EYS: variants seen among roughly 807,000 people sequenced by gnomAD.
The protein encoded by EYS is EGF-like photoreceptor maintenance factor, also known as protein eyes shut homolog.
EYS carries 250 observed loss-of-function variants against 282.1 expected under a neutral mutation model. That is an observed-to-expected ratio of 0.89 (90% CI 0.80 to 0.98). The LOEUF (loss-of-function observed/expected upper bound fraction) is 0.98. Ranked by LOEUF, EYS falls within the 50% of genes least tolerant of loss-of-function variation. The pLI, the probability that EYS is intolerant of heterozygous loss-of-function variation, is 0.00. For synonymous variants in EYS, 1,355 were observed against 1,282.9 expected, an observed-to-expected ratio of 1.06 and a Z score of -1.20; for missense variants, 4,016 against 3,709.0, an observed-to-expected ratio of 1.08 and a Z score of -2.15.
At chr6:65,598,313 T>C (rs1765487682) in intron 2 of EYS, among the ~76,000 whole-genome samples, 1 of 147,718 alleles carries the variant, frequency 6.8e-6, no homozygotes, top group South Asian at 2.2e-4. Context: ...TTCTCTTTTA[T>C]CAGGAAAACT....
intron 13 of EYS, among the ~76,000 whole-genome samples, chr6:65,018,502 C>A (rs866373502): frequency 8.7e-4 from 132 of 152,232 alleles, no homozygotes; most frequent in African/African-American, 3.1e-3. Flanking sequence ...TCCAGTATAT[C>A]CTCATTTTAA....
At chr6:64,292,928 G>A (rs1448567635) in intron 30 of EYS, among the ~76,000 whole-genome samples, 1 of 152,022 alleles carries the variant, frequency 6.6e-6, no homozygotes, top group African/African-American at 2.4e-5. Flanking sequence ...AGTCACATAG[G>A]AAATAAGTAA....
rs779597565 is a variant in EYS at position 65,384,498 on chromosome 6, C to A, written c.1187G>T (p.Cys396Phe). The A allele has an allele frequency of 4.7e-6, 7 of 1,497,468 alleles. No homozygotes were observed. The South Asian group carries it at 7.9e-5, about 17-fold the overall frequency. 92.8% of individuals were successfully genotyped at this position (1,497,468 alleles called of 1,614,324 possible). A position where few individuals can be genotyped will look rare whatever the true frequency, so the allele number is the denominator to read the frequency against. The change falls in exon 8 of 43, where the codon TGT becomes TTT. Residue 396 changes from cysteine (C) to phenylalanine (F), a missense_variant and splice_region_variant. Coordinates refer to ENST00000503581, the MANE Select transcript of EYS (RefSeq NM_001142800.2). Reference protein sequence around the residue: ...KKCEKDYPCSCISGFTEKNCE... With the variant: ...KKCEKDYPCSFISGFTEKNCE... Reference sequence around the variant, plus strand: ...GTTTTTTTCAGTAAATCCTGATATACAGCTGTAAATACATCAGTGTAAATT... The same window carrying A: ...GTTTTTTTCAGTAAATCCTGATATAAAGCTGTAAATACATCAGTGTAAATT...
At chr6:64,008,446 G>A (rs1365778768) in intron 33 of EYS, among the ~76,000 whole-genome samples, 1 of 151,982 alleles carries the variant, frequency 6.6e-6, no homozygotes, top group East Asian at 1.9e-4. Context: ...CTTTAATTGA[G>A]GCATTTAGCC....
chr6:65,191,190 T>A (rs1425245493), intron 12 of EYS, among the ~76,000 whole-genome samples: 1 of 151,876 alleles, frequency 6.6e-6, no homozygotes, highest in African/African-American at 2.4e-5. Flanking sequence ...TTTAGCTTCC[T>A]ACAAAGTCAG....
intron 26 of EYS, among the ~76,000 whole-genome samples, chr6:64,552,923 G>A (rs78346211): frequency 3.9e-4 from 20 of 50,724 alleles, no homozygotes; most frequent in East Asian, 1.2e-3. Flanking sequence ...ATTCCCCCCC[G>A]CCCCCTCCCC....
At chr6:65,208,176 A>C (rs1403584155) in intron 12 of EYS, among the ~76,000 whole-genome samples, 1 of 151,866 alleles carries the variant, frequency 6.6e-6, no homozygotes, top group Admixed American at 6.6e-5. Flanking sequence ...AAGAAGACAT[A>C]CAAGTACCTA....
At chr6:65,342,401 T>C (rs10498830) in intron 10 of EYS, among the ~76,000 whole-genome samples, 18,114 of 150,998 alleles carry the variant, frequency 0.12, 1,724 homozygotes, top group African/African-American at 0.25. Context: ...TAGAATGTTT[T>C]ATTGATGATA....
At chr6:64,593,550 T>C (rs576471320) in intron 24 of EYS, among the ~76,000 whole-genome samples, 3 of 152,260 alleles carry the variant, frequency 2.0e-5, no homozygotes, top group African/African-American at 7.2e-5. Context: ...ATTCCTTTAA[T>C]TTTAAGTCAA....
intron 35 of EYS, among the ~76,000 whole-genome samples, chr6:63,975,187 G>A (rs1487423268): frequency 1.3e-5 from 2 of 151,706 alleles, no homozygotes; most frequent in African/African-American, 4.8e-5. Context: ...GTGTATAAAT[G>A]GAAAAACACA....
intron 41 of EYS, among the ~76,000 whole-genome samples, chr6:63,735,384 T>C (rs1768883490): frequency 6.6e-6 from 1 of 152,026 alleles, no homozygotes; most frequent in East Asian, 1.9e-4. Flanking sequence ...AAAAGAACTC[T>C]CATCTCTTTC....
At chr6:64,198,079 G>A (rs1459785047) in intron 31 of EYS, among the ~76,000 whole-genome samples, 3 of 151,696 alleles carry the variant, frequency 2.0e-5, no homozygotes, top group South Asian at 2.1e-4. Flanking sequence ...TGCAAGCTCC[G>A]CTTCCCGGGT....
chr6:64,196,686 T>C (rs963208053), intron 31 of EYS, among the ~76,000 whole-genome samples: 3 of 144,916 alleles, frequency 2.1e-5, no homozygotes, highest in Admixed American at 7.4e-5. Flanking sequence ...TAGATGGGAA[T>C]TGAACAATGA....
At chr6:65,432,146 T>C (rs1767911179) in intron 5 of EYS, among the ~76,000 whole-genome samples, 1 of 152,154 alleles carries the variant, frequency 6.6e-6, no homozygotes, top group Admixed American at 6.5e-5. Context: ...TGTTGCTGTA[T>C]TTTCAGAGTA....
At chr6:64,316,253 A>G (rs1455311662) in intron 29 of EYS, among the ~76,000 whole-genome samples, 1 of 152,188 alleles carries the variant, frequency 6.6e-6, no homozygotes, top group African/African-American at 2.4e-5. Context: ...CAGGGTATTC[A>G]ATTAGGAAAA....
At chr6:65,449,516 T>G (rs1764325634) in intron 5 of EYS, among the ~76,000 whole-genome samples, 1 of 152,084 alleles carries the variant, frequency 6.6e-6, no homozygotes, top group South Asian at 2.1e-4. Context: ...AGATTAAGGT[T>G]AGTATACATT....
intron 2 of EYS, among the ~76,000 whole-genome samples, chr6:65,573,189 A>C (rs1666258354): frequency 6.6e-6 from 1 of 152,194 alleles, no homozygotes; most frequent in African/African-American, 2.4e-5. Context: ...AATCAAAAAT[A>C]GGCCAGAGAG....
chr6:64,688,874 G>A (rs1170407146), intron 22 of EYS, among the ~76,000 whole-genome samples: 1 of 152,002 alleles, frequency 6.6e-6, no homozygotes. Flanking sequence ...ATACTGAATG[G>A]ACAAAAACTG....
At chr6:64,035,680 C>A (rs1033734061) in intron 33 of EYS, among the ~76,000 whole-genome samples, 8 of 152,272 alleles carry the variant, frequency 5.3e-5, no homozygotes, top group Middle Eastern at 3.4e-3. Flanking sequence ...AAGAGGACAA[C>A]CTTCAAAGTG....
Sources: gnomAD v4.1 joint callset for allele counts (sites outside exome capture counted in the v4.1 genomes callset) on GRCh38, gnomAD v4.1.1 for gene constraint, MANE v1.5 for transcripts, NCBI Gene and HGNC (gene_info 2026-07-23, HGNC 2026-07-21) for gene names.